Variants in ING5 observed in about 807,000 individuals in gnomAD.
The protein encoded by ING5 is inhibitor of growth family member 5, also known as inhibitor of growth protein 5.
In ING5, 17 loss-of-function variants were observed where a neutral mutation model predicts 37.4. The ratio of observed to expected loss-of-function variants is 0.45; its 90% confidence interval spans 0.31 to 0.68. The LOEUF (loss-of-function observed/expected upper bound fraction) is 0.68, where lower values mean the gene tolerates loss of function less well. Among genes scored for constraint, ING5 ranks in the 30% least tolerant of loss-of-function variants. The probability of loss-of-function intolerance (pLI) is 0.05; values close to 1 mark genes in which losing one functional copy is unlikely to be tolerated. For missense variants in ING5, 233 were observed against 311.9 expected (o/e 0.75, Z 1.91); for synonymous variants, 123 against 116.6 (o/e 1.06, Z -0.36).
intron 5 of ING5, chr2:241,720,590 C>CG (rs1344967030): frequency 2.0e-6 from 2 of 986,474 alleles, no homozygotes; most frequent in Middle Eastern, 5.2e-4. Flanking sequence ...CCTGGAATCC[C>CG]GGGGCTTGGA....
At chr2:241,705,703 G>A (rs1203161388) in intron 2 of ING5, among the ~76,000 whole-genome samples, 1 of 152,164 alleles carries the variant, frequency 6.6e-6, no homozygotes, top group African/African-American at 2.4e-5. Flanking sequence ...ACCGCGCCCG[G>A]CCCTTAAACT....
At chr2:241,721,632 G>A (rs563659256) in intron 5 of ING5, 37 of 985,418 alleles carry the variant, frequency 3.8e-5, no homozygotes, top group Admixed American at 6.2e-5. Flanking sequence ...TCACGGCCAC[G>A]TTCCTCCTGC....
At chr2:241,724,652 C>A (rs1691535813) in intron 7 of ING5, 3 of 364,570 alleles carry the variant, frequency 8.2e-6, no homozygotes, top group East Asian at 5.5e-5. Context: ...GTGCTTGGTA[C>A]CTGCAGCCCC....
chr2:241,690,680 ATGG>A (rs1371256318), intron 2 of ING5: 6 of 398,632 alleles, frequency 1.5e-5, no homozygotes, highest in Middle Eastern at 6.3e-4. Context: ...TATAGGGGAA[ATGG>A]TGGGATGCTG....
At position 241,728,811 on chromosome 2, in the gene ING5, G is replaced by A. The variant is rs1274735347; in HGVS notation, c.*3780G>A. ...TCACTGTTGGCCAGGGCTTTGTGGC[G>A]TGGGTGTTTTCCAGTCTGCCTGGAG... On this transcript the variant is annotated 3_prime_UTR_variant, in exon 8 of 8. Coordinates refer to ENST00000313552, the MANE Select transcript of ING5 (RefSeq NM_032329.6). 2.0e-5 allele frequency: 3 copies of A among 152,358 alleles called. No homozygotes were observed. The highest frequency in any genetic ancestry group is 2.9e-5 in the Non-Finnish European group (2 of 68,128). 9.4% of individuals were successfully genotyped at this position (152,358 alleles called of 1,614,324 possible). A position where few individuals can be genotyped will look rare whatever the true frequency, so the allele number is the denominator to read the frequency against.
intron 5 of ING5, chr2:241,719,574 C>A (rs1299861788): frequency 1.3e-6 from 2 of 1,536,122 alleles, no homozygotes; most frequent in Non-Finnish European, 1.7e-6. Flanking sequence ...AAGTGGGACT[C>A]CTCCTGGTCT....
chr2:241,721,626 G>C, intron 5 of ING5: 4 of 985,352 alleles, frequency 4.1e-6, no homozygotes, highest in Non-Finnish European at 4.8e-6. Flanking sequence ...TTTTTCTCAC[G>C]GCCACGTTCC....
chr2:241,697,483 C>T (rs933022973), upstream of ING5, among the ~76,000 whole-genome samples: 17 of 150,292 alleles, frequency 1.1e-4, no homozygotes, highest in Admixed American at 6.6e-4. Context: ...AACATCCGGA[C>T]GTTGGAATAT....
chr2:241,703,477 A>G (rs2069807237), intron 1 of ING5, among the ~76,000 whole-genome samples: 1 of 152,064 alleles, frequency 6.6e-6, no homozygotes, highest in Admixed American at 6.6e-5. Context: ...ACTGTGGGGA[A>G]TGGTTGCGCT....
intron 7 of ING5, among the ~76,000 whole-genome samples, chr2:241,724,423 A>G (rs1398279552): frequency 2.0e-5 from 3 of 151,762 alleles, no homozygotes; most frequent in African/African-American, 7.3e-5. Flanking sequence ...GCGGTGGTTG[A>G]CGGTTGCCGT....
chr2:241,709,009 T>TTGCCG, intron 2 of ING5: 1 of 496,866 alleles, frequency 2.0e-6, no homozygotes, highest in South Asian at 3.0e-5. Context: ...CCTGGGCACG[T>TTGCCG]TGCCGTAAAG....
At chr2:241,702,023 C>T (rs762114108), upstream of ING5, 8 of 1,337,332 alleles carry the variant, frequency 6.0e-6, no homozygotes, top group South Asian at 5.1e-5. Context: ...CCTCCCGCGG[C>T]ACCGCCCGCC....
chr2:241,690,880 C>T (rs563444512), intron 2 of ING5, among the ~76,000 whole-genome samples: 2 of 151,340 alleles, frequency 1.3e-5, no homozygotes, highest in South Asian at 4.2e-4. Context: ...GATCTCAGCT[C>T]GCTGCAACAT....
chr2:241,690,894 C>T lies in ING5; in HGVS notation c.43+241C>T, dbSNP rs147840906. On this transcript the variant is annotated intron_variant, in intron 2 of 7. Transcript: ENST00000636051. ...TGATCTCAGCTCGCTGCAACATCCA[C>T]CTCCTAGGTTCAGACGATTCTCCTG... 5.4e-3 allele frequency among the ~76,000 whole-genome samples: 818 copies of T among 151,820 alleles called. 10 individuals are homozygous for T. The highest frequency in any genetic ancestry group is 0.034 in the South Asian group (162 of 4,788).
chr2:241,693,736 C>T (rs910805342), intron 2 of ING5, among the ~76,000 whole-genome samples: 2 of 144,178 alleles, frequency 1.4e-5, no homozygotes, highest in African/African-American at 2.6e-5. Context: ...CGGCTAACTG[C>T]AACCTCCACC....
At chr2:241,723,653 A>T in intron 7 of ING5, 3 of 1,045,436 alleles carry the variant, frequency 2.9e-6, no homozygotes, top group Non-Finnish European at 4.3e-6. Flanking sequence ...GAAATATAGC[A>T]TGAGATGTGA....
intron 6 of ING5, 63 bp downstream of exon 6, chr2:241,723,137 A>C: frequency 1.9e-6 from 3 of 1,613,700 alleles, no homozygotes; most frequent in Non-Finnish European, 2.5e-6. Flanking sequence ...GGGCTGGCGG[A>C]TGTTGGCATT....
At position 241,709,225 on chromosome 2, in the gene ING5, C is replaced by T; in HGVS notation, c.119C>T (p.Ala40Val). 6.2e-7 allele frequency: 1 copy of T among 1,611,020 alleles called. No homozygotes were observed. ...ELDQRTEDKK[A>V]EIDILAAEYI... ...CCCATTTCTCCATCAGATAAGAAAG[C>T]AGAGATTGACATCCTGGCTGCAGAG... Residue 40 changes from alanine (A) to valine (V), a missense_variant, in exon 3 of 8, where the codon GCA (alanine) becomes GTA (valine). Ala to Val is a moderately conservative substitution (Grantham distance 64). Transcript: ENST00000313552.
At chr2:241,707,612 C>T (rs1575125685) in intron 2 of ING5, among the ~76,000 whole-genome samples, 2 of 152,180 alleles carry the variant, frequency 1.3e-5, no homozygotes, top group Admixed American at 1.3e-4. Flanking sequence ...TTTTGCAAGA[C>T]TGAGATAGCT....
Sources: allele counts gnomAD v4.1 joint callset (sites outside exome capture counted in the v4.1 genomes callset), GRCh38; gene constraint gnomAD v4.1.1; transcripts MANE v1.5; gene names NCBI Gene and HGNC (gene_info 2026-07-23, HGNC 2026-07-21).